The following ZCCHC7 variants were observed in gnomAD, a reference collection of about 807,000 sequenced individuals.
ZCCHC7 encodes the protein zinc finger CCHC-type containing 7.
In ZCCHC7, 35 loss-of-function variants were observed where a neutral mutation model predicts 52.0. That is an observed-to-expected ratio of 0.67 (90% CI 0.51 to 0.89). The LOEUF (loss-of-function observed/expected upper bound fraction) is 0.89, where lower values mean the gene tolerates loss of function less well. Ranked by LOEUF, ZCCHC7 falls within the 40% of genes least tolerant of loss-of-function variation. The pLI is 0.00. For synonymous variants in ZCCHC7, 217 were observed against 221.5 expected (o/e 0.98, Z 0.18); for missense variants, 574 against 649.1 (o/e 0.88, Z 1.26).
intron 2 of ZCCHC7, among the ~76,000 whole-genome samples, chr9:37,177,553 A>G (rs1173021096): frequency 6.6e-6 from 1 of 152,162 alleles, no homozygotes; most frequent in Non-Finnish European, 1.5e-5. Context: ...AATGAAGAAT[A>G]GTAATATGTC....
intron 2 of ZCCHC7, among the ~76,000 whole-genome samples, chr9:37,149,224 C>G (rs1843576104): frequency 6.6e-6 from 1 of 152,040 alleles, no homozygotes; most frequent in Admixed American, 6.6e-5. Context: ...AATTTTGTTC[C>G]ATAAATTGGG....
At chr9:37,305,852 G>C in intron 5 of ZCCHC7, 138 bp downstream of exon 5, 3 of 775,252 alleles carry the variant, frequency 3.9e-6, no homozygotes, top group Non-Finnish European at 5.7e-6. Flanking sequence ...TATATATATA[G>C]TCATGTCCAT....
rs542174765 is a variant in ZCCHC7, at chr9:37,342,011, G to A, written c.988-7346G>A. ...CTGTTAGAGAGTTTTGAGCTGAAGA[G>A]TGGTATGTTCTGATTTGCAGGCTAT... On this transcript the variant is annotated intron_variant, in intron 6 of 8. Transcript: ENST00000336755. 2.6e-3 allele frequency among the ~76,000 whole-genome samples: 392 copies of A among 152,278 alleles called. 2 individuals are homozygous for A. Among genetic ancestry groups the A allele is most frequent in the African/African-American group, 8.9e-3 (368 of 41,542 alleles).
At chr9:37,188,080 C>A (rs1822760583) in intron 2 of ZCCHC7, among the ~76,000 whole-genome samples, 1 of 152,138 alleles carries the variant, frequency 6.6e-6, no homozygotes, top group South Asian at 2.1e-4. Context: ...CCTTCTGGAA[C>A]TTGAGGAAAT....
chr9:37,204,489 T>C (rs1823802302), intron 2 of ZCCHC7, among the ~76,000 whole-genome samples: 1 of 152,170 alleles, frequency 6.6e-6, no homozygotes, highest in African/African-American at 2.4e-5. Flanking sequence ...TTGTATGAAG[T>C]GTAAAGAAGG....
intron 2 of ZCCHC7, among the ~76,000 whole-genome samples, chr9:37,156,641 G>A (rs1363984678): frequency 2.0e-5 from 3 of 152,238 alleles, no homozygotes; most frequent in South Asian, 2.1e-4. Context: ...ATAAATCATC[G>A]TTAAAAAGAT....
At chr9:37,176,158 C>T (rs890889251) in intron 2 of ZCCHC7, among the ~76,000 whole-genome samples, 3 of 152,138 alleles carry the variant, frequency 2.0e-5, no homozygotes, top group Non-Finnish European at 4.4e-5. Context: ...ACTGCAAGTG[C>T]CGCCTCCTGG....
At chr9:37,236,137 A>C (rs750455517) in intron 2 of ZCCHC7, among the ~76,000 whole-genome samples, 2 of 152,192 alleles carry the variant, frequency 1.3e-5, no homozygotes, top group Non-Finnish European at 2.9e-5. Context: ...ACTGTTTTCC[A>C]TAATGGCTGT....
chr9:37,253,772 T>C (rs181258168), intron 2 of ZCCHC7, among the ~76,000 whole-genome samples: 30 of 152,156 alleles, frequency 2.0e-4, no homozygotes, highest in African/African-American at 7.2e-4. Flanking sequence ...AAACCGTTTT[T>C]ATGATTCACA....
chr9:37,212,908 A>T (rs1824315972), intron 2 of ZCCHC7, among the ~76,000 whole-genome samples: 1 of 152,112 alleles, frequency 6.6e-6, no homozygotes, highest in Admixed American at 6.6e-5. Flanking sequence ...CTTCTCTGAG[A>T]CATACCTTTT....
chr9:37,190,344 TC>T (rs1384871463), intron 2 of ZCCHC7, among the ~76,000 whole-genome samples: 1 of 152,180 alleles, frequency 6.6e-6, no homozygotes, highest in Non-Finnish European at 1.5e-5. Flanking sequence ...GAGATTCTGT[TC>T]CTGCTCCTCA....
intron 2 of ZCCHC7, among the ~76,000 whole-genome samples, chr9:37,185,225 C>T (rs1349296105): frequency 1.3e-5 from 2 of 152,096 alleles, no homozygotes; most frequent in African/African-American, 4.8e-5. Context: ...AGATCTCTTG[C>T]TATGTTAGGT....
chr9:37,352,443 T>A (rs963176353), intron 7 of ZCCHC7, among the ~76,000 whole-genome samples: 4 of 151,804 alleles, frequency 2.6e-5, no homozygotes, highest in African/African-American at 9.7e-5. Context: ...GAGTTAAAGA[T>A]TCTGCTGAAA....
rs187027031 is a variant in ZCCHC7, at chr9:37,207,041, G to T, written c.610+80099G>T. ...CTGGAGAGGCTGAGAAGGGAGGATC[G>T]CTTGAACCCAGGAGTTTGAGGCTAC... On this transcript the variant is annotated intron_variant, in intron 2 of 8. Coordinates refer to ENST00000336755, the MANE Select transcript of ZCCHC7 (RefSeq NM_032226.3). Among the ~76,000 whole-genome samples the T allele has an allele frequency of 1.6e-3, 243 of 152,058 alleles. 1 individual carries two copies. Among genetic ancestry groups the T allele is most frequent in the African/African-American group, 5.6e-3 (233 of 41,496 alleles).
chr9:37,221,709 CA>C (rs1226713294), intron 2 of ZCCHC7, among the ~76,000 whole-genome samples: 1 of 151,418 alleles, frequency 6.6e-6, no homozygotes, highest in Non-Finnish European at 1.5e-5. Flanking sequence ...AAGAAAAAGT[CA>C]AAGAAAAAAA....
chr9:37,305,600 A>G lies in ZCCHC7; in HGVS notation c.837A>G (p.Pro279=), dbSNP rs747282066. ...GAGGACATCTCCTGTATTCCTGTCC[A>G]GCCCCCCTTTGCGAATACTGTCCTG... is the stretch of plus-strand genomic sequence containing the variant. ...SRRGHLLYSC[P]APLCEYCPVP... Residue 279 remains proline (P), a synonymous_variant, in exon 5 of 9, where the codon CCA becomes CCG. Coordinates refer to ENST00000336755, the MANE Select transcript of ZCCHC7 (RefSeq NM_032226.3). 3.7e-6 allele frequency: 6 copies of G among 1,614,126 alleles called. No homozygotes were observed. The highest frequency in any genetic ancestry group is 5.1e-6 in the Non-Finnish European group (6 of 1,180,014).
At chr9:37,254,855 G>GTTTTTTTTTTTTTTTTT (rs77209889) in intron 2 of ZCCHC7, among the ~76,000 whole-genome samples, 2 of 22,300 alleles carry the variant, frequency 9.0e-5, no homozygotes. Flanking sequence ...TTTTTTTTTG[G>GTTTTTTTTTTTTTTTTT]ATTTTTGAAT....
chr9:37,333,696 A>T (rs966953361), intron 6 of ZCCHC7, among the ~76,000 whole-genome samples: 1 of 151,768 alleles, frequency 6.6e-6, no homozygotes, highest in African/African-American at 2.4e-5. Context: ...GTTAGTCATT[A>T]TAGGGACAAT....
At chr9:37,126,205 T>C (rs1017515617) in intron 1 of ZCCHC7, 107 bp from the exon 2 acceptor site, 2 of 1,101,310 alleles carry the variant, frequency 1.8e-6, no homozygotes, top group Non-Finnish European at 2.6e-6. Flanking sequence ...CTGAGAATAG[T>C]GATGGCCTTC....
Sources: allele counts gnomAD v4.1 joint callset (sites outside exome capture counted in the v4.1 genomes callset), GRCh38; gene constraint gnomAD v4.1.1; transcripts MANE v1.5; gene names NCBI Gene and HGNC (gene_info 2026-07-23, HGNC 2026-07-21).